The following ARHGAP22 variants were observed in gnomAD, a reference collection of about 807,000 sequenced individuals.
ARHGAP22 encodes rho GTPase-activating protein 22.
ARHGAP22 carries 48 observed loss-of-function variants against 59.1 expected under a neutral mutation model. That is an observed-to-expected ratio of 0.81 (90% CI 0.64 to 1.03). The LOEUF (loss-of-function observed/expected upper bound fraction) is 1.03. Among genes scored for constraint, ARHGAP22 ranks in the 50% least tolerant of loss-of-function variants. ARHGAP22 has a pLI of 0.00. For synonymous variants in ARHGAP22, 445 were observed against 416.4 expected, an observed-to-expected ratio of 1.07 and a Z score of -0.84; for missense variants, 1,015 against 958.7, an observed-to-expected ratio of 1.06 and a Z score of -0.78.
rs375963383 is a variant in ARHGAP22 at position 48,613,439 on chromosome 10, ATCT to A, written c.53-30290_53-30288del. ...AACCAAGCATTCACTGTATCAGTTG[ATCT>A]TCTTAATTTCTGGACCATTATTGGA... On this transcript the variant is annotated intron_variant, in intron 1 of 9. Coordinates refer to the ARHGAP22 transcript ENST00000435790. 1.2e-4 allele frequency among the ~76,000 whole-genome samples: 19 copies of A among 152,340 alleles called. 1 individual carries two copies. The East Asian group carries it at 3.5e-3, about 28-fold the overall frequency.
chr10:48,495,275 A>T (rs73296284), intron 3 of ARHGAP22, among the ~76,000 whole-genome samples: 1,883 of 152,256 alleles, frequency 0.012, 49 homozygotes, highest in African/African-American at 0.043. Flanking sequence ...TAAAATATCC[A>T]GCTTTGATTG....
intron 3 of ARHGAP22, among the ~76,000 whole-genome samples, chr10:48,516,787 C>A (rs951982359): frequency 2.0e-5 from 3 of 152,136 alleles, no homozygotes; most frequent in Non-Finnish European, 4.4e-5. Flanking sequence ...ACCAAGACAT[C>A]ACAAGAAAAC....
rs117747059 is a variant in ARHGAP22, at chr10:48,648,908, G to T, written c.52+3326C>A. ...GTGTTGAGCAACATGGATGCCCATG[G>T]ATGTGACAGTGCTGATTGGATTTAG... On this transcript the variant is annotated intron_variant, in intron 1 of 9. Coordinates refer to the ARHGAP22 transcript ENST00000435790. Among the ~76,000 whole-genome samples the T allele has an allele frequency of 6.9e-3, 1,053 of 152,228 alleles. 6 individuals are homozygous for T. The highest frequency in any genetic ancestry group is 9.6e-3 in the Non-Finnish European group (651 of 67,982).
At chr10:48,539,964 T>C (rs1174843423) in intron 3 of ARHGAP22, among the ~76,000 whole-genome samples, 1 of 152,230 alleles carries the variant, frequency 6.6e-6, no homozygotes, top group African/African-American at 2.4e-5. Context: ...ATGGAACTAC[T>C]TTTGTCACGG....
chr10:48,469,164 A>G (rs1368721287), intron 4 of ARHGAP22, among the ~76,000 whole-genome samples: 1 of 152,234 alleles, frequency 6.6e-6, no homozygotes, highest in South Asian at 2.1e-4. Flanking sequence ...GTCTCTGCAG[A>G]GTGCCCTCCA....
At chr10:48,650,916 A>G (rs1190479998) in intron 1 of ARHGAP22, among the ~76,000 whole-genome samples, 3 of 152,210 alleles carry the variant, frequency 2.0e-5, no homozygotes, top group African/African-American at 7.2e-5. Context: ...TGTCTGCAGC[A>G]CGAGGCCGGC....
At chr10:48,451,507 G>A in intron 8 of ARHGAP22, 1 of 702,466 alleles carries the variant, frequency 1.4e-6, no homozygotes, top group Non-Finnish European at 2.6e-6. Flanking sequence ...AACTCTCTCG[G>A]CTGCCCCACG....
At chr10:48,575,896 C>A (rs2135535580) in intron 2 of ARHGAP22, among the ~76,000 whole-genome samples, 1 of 152,352 alleles carries the variant, frequency 6.6e-6, no homozygotes, top group Non-Finnish European at 1.5e-5. Flanking sequence ...CCAGCCCCAT[C>A]TAAGTGGCCT....
At chr10:48,452,154 G>T (rs1417511382) in intron 8 of ARHGAP22, among the ~76,000 whole-genome samples, 1 of 152,182 alleles carries the variant, frequency 6.6e-6, no homozygotes, top group Non-Finnish European at 1.5e-5. Flanking sequence ...TTCCTACGGT[G>T]GTGGGGTGGG....
intron 3 of ARHGAP22, among the ~76,000 whole-genome samples, chr10:48,504,464 G>A (rs910432311): frequency 3.9e-5 from 6 of 152,350 alleles, no homozygotes; most frequent in Middle Eastern, 3.4e-3. Context: ...CAAGGTGGCA[G>A]GGAGAGCTCA....
chr10:48,589,340 C>T lies in ARHGAP22; in HGVS notation c.35-6188G>A, dbSNP rs2059618293. ...AGTTTCTTTCCGCTTCCCCAGCCTG[C>T]TTCTGGCTTCAACTTCCTCCATCCT... On this transcript the variant is annotated intron_variant, in intron 1 of 9. Transcript: ENST00000249601. Among the ~76,000 whole-genome samples the T allele has an allele frequency of 2.0e-5, 3 of 152,144 alleles. No homozygotes were observed. In the South Asian group the frequency reaches 6.2e-4, roughly 32 times the overall value.
intron 2 of ARHGAP22, among the ~76,000 whole-genome samples, chr10:48,569,768 T>TC (rs1197969406): frequency 6.6e-6 from 1 of 152,234 alleles, no homozygotes; most frequent in African/African-American, 2.4e-5. Flanking sequence ...AAGGTGGAGA[T>TC]CCGTCTTGTA....
chr10:48,497,522 T>C lies in ARHGAP22; in HGVS notation c.323-17758A>G, dbSNP rs185884452. ...GAGGATGTTGAAGAGGGAGTGCCGG[T>C]GGTCAGCGGACGCTGTGTAAGGGGT... On this transcript the variant is annotated intron_variant, in intron 3 of 9. Transcript: ENST00000249601. Among the ~76,000 whole-genome samples the C allele has an allele frequency of 2.0e-3, 312 of 152,206 alleles. 1 individual carries two copies. Among genetic ancestry groups the C allele is most frequent in the African/African-American group, 7.2e-3 (301 of 41,526 alleles).
At chr10:48,571,177 G>T (rs2058371130) in intron 2 of ARHGAP22, among the ~76,000 whole-genome samples, 1 of 152,096 alleles carries the variant, frequency 6.6e-6, no homozygotes. Flanking sequence ...TCTACTAATA[G>T]TCTGGCCTCT....
chr10:48,655,248 T>TGGGG (rs2062763955), upstream of ARHGAP22, among the ~76,000 whole-genome samples: 1 of 110,184 alleles, frequency 9.1e-6, no homozygotes, highest in Admixed American at 9.0e-5. Context: ...TGGATGTGTG[T>TGGGG]GTGTGTGTGG....
chr10:48,513,624 GGAAATTCAC>G (rs1195353044), intron 3 of ARHGAP22, among the ~76,000 whole-genome samples: 3 of 152,178 alleles, frequency 2.0e-5, no homozygotes, highest in Non-Finnish European at 4.4e-5. Flanking sequence ...ATTTAATTCA[GGAAATTCAC>G]TAAACAAAAT....
At chr10:48,608,190 A>G (rs2135948951), upstream of ARHGAP22, among the ~76,000 whole-genome samples, 2 of 152,364 alleles carry the variant, frequency 1.3e-5, no homozygotes, top group South Asian at 4.1e-4. Context: ...GATTCTTCTC[A>G]GGGAGAGGCA....
chr10:48,584,727 G>A (rs1232455590), intron 1 of ARHGAP22, among the ~76,000 whole-genome samples: 1 of 152,236 alleles, frequency 6.6e-6, no homozygotes, highest in Non-Finnish European at 1.5e-5. Context: ...GGGCGCGGTG[G>A]CTCACGCCTG....
chr10:48,630,600 T>C (rs545309306), intron 1 of ARHGAP22, among the ~76,000 whole-genome samples: 2 of 152,374 alleles, frequency 1.3e-5, no homozygotes, highest in African/African-American at 4.8e-5. Flanking sequence ...CAGCTGTTCA[T>C]TGTTGATATA....
Sources: gnomAD v4.1 joint callset for allele counts (sites outside exome capture counted in the v4.1 genomes callset) on GRCh38, gnomAD v4.1.1 for gene constraint, MANE v1.5 for transcripts, NCBI Gene and HGNC (gene_info 2026-07-23, HGNC 2026-07-21) for gene names.